GLT1D1: variants seen among roughly 807,000 people sequenced by gnomAD.
The protein encoded by GLT1D1 is glycosyltransferase 1 domain containing 1, also known as glycosyltransferase 1 domain-containing protein 1.
Under a neutral mutation model 28.7 loss-of-function variants are expected in GLT1D1, and 21 were observed. That is an observed-to-expected ratio of 0.73 (90% CI 0.52 to 1.05). The LOEUF is 1.05. Among genes scored for constraint, GLT1D1 ranks in the 50% least tolerant of loss-of-function variants. The probability of loss-of-function intolerance (pLI) is 0.00; values close to 1 mark genes in which losing one functional copy is unlikely to be tolerated. For synonymous variants in GLT1D1, 147 were observed against 124.8 expected (o/e 1.18, Z -1.19); for missense variants, 343 against 330.6 (o/e 1.04, Z -0.29).
chr12:128,959,420 ACGGGT>A (rs1877680425), intron 7 of GLT1D1, among the ~76,000 whole-genome samples: 1 of 46,842 alleles, frequency 2.1e-5, no homozygotes. Flanking sequence ...GTGGGGGGGG[ACGGGT>A]GGGGAGGTGG....
Position 128,882,556 on chromosome 12 carries a change from G to A in GLT1D1, c.218-6083G>A, listed in dbSNP as rs532780994. Among the ~76,000 whole-genome samples the A allele has an allele frequency of 1.4e-4, 22 of 152,228 alleles. No individual in the cohort carries two copies. In the South Asian group the frequency reaches 4.6e-3, roughly 32 times the overall value. The stretch of plus-strand genomic sequence containing the variant: ...GGCCTCCCAAAATGCTGGGATTACA[G>A]GTGTGAGCCACCACACCCAGCCTGC... On this transcript the variant is annotated intron_variant, in intron 2 of 7. Transcript: ENST00000281703.
chr12:128,918,938 T>C (rs1426780941), intron 4 of GLT1D1, among the ~76,000 whole-genome samples: 8 of 152,228 alleles, frequency 5.3e-5, no homozygotes, highest in Non-Finnish European at 1.2e-4. Flanking sequence ...GGAGACCTAC[T>C]TGGCTGCTGC....
In GLT1D1 at chr12:128,973,178, G is replaced by GTTTT. The variant is rs1565924861; in HGVS notation, c.640-9751_640-9750insTTTT. 3.6e-5 allele frequency among the ~76,000 whole-genome samples: 3 copies of GTTTT among 83,732 alleles called. No individual in the cohort carries two copies. In the East Asian group the frequency reaches 9.6e-4, roughly 27 times the overall value. The allele number at this position is 83,732 out of a possible 152,430, so 54.9% of individuals were successfully genotyped here. A position where few individuals can be genotyped will look rare whatever the true frequency, so the allele number is the denominator to read the frequency against. ...TCTTTTCTGTTTTGTTTGTTTGCTT[G>GTTTT]GTTTTTTTTTTTTTTTTTTTTTTTT... On this transcript the variant is annotated intron_variant, in intron 7 of 7. Coordinates refer to ENST00000281703, the MANE Select transcript of GLT1D1 (RefSeq NM_144669.3).
chr12:128,950,900 G>A (rs756688573), intron 6 of GLT1D1, among the ~76,000 whole-genome samples: 4 of 152,188 alleles, frequency 2.6e-5, no homozygotes, highest in Non-Finnish European at 5.9e-5. Flanking sequence ...GGAGTGGGGA[G>A]ATGTTGGTTG....
At chr12:128,908,184 C>T (rs1012487303) in intron 4 of GLT1D1, among the ~76,000 whole-genome samples, 25 of 152,258 alleles carry the variant, frequency 1.6e-4, no homozygotes, top group African/African-American at 6.0e-4. Flanking sequence ...GCTGGGATTA[C>T]AGGTGTGAGT....
At chr12:128,950,281 C>T (rs667171) in intron 6 of GLT1D1, among the ~76,000 whole-genome samples, 60,098 of 151,992 alleles carry the variant, frequency 0.4, 12,000 homozygotes, top group Middle Eastern at 0.5. Context: ...GTGATAGACA[C>T]TTATTCCATG....
intron 7 of GLT1D1, among the ~76,000 whole-genome samples, chr12:128,966,595 T>G (rs1425969526): frequency 1.3e-5 from 2 of 151,932 alleles, no homozygotes; most frequent in African/African-American, 2.4e-5. Flanking sequence ...ATCTGGGGGG[T>G]TTTGTGCTCT....
At chr12:128,875,476 A>T (rs1299751899) in intron 1 of GLT1D1, among the ~76,000 whole-genome samples, 3 of 152,194 alleles carry the variant, frequency 2.0e-5, no homozygotes, top group Non-Finnish European at 2.9e-5. Flanking sequence ...TCAGTAAATA[A>T]GTCATCTTGT....
intron 4 of GLT1D1, 107 bp downstream of exon 8, chr12:128,927,261 C>A: frequency 1.1e-6 from 1 of 893,744 alleles, no homozygotes; most frequent in Non-Finnish European, 1.7e-6. Context: ...TTTTTTGAGA[C>A]GGAGTCTTGC....
At chr12:128,941,905 CTTTTT>C (rs60663875) in intron 4 of GLT1D1, among the ~76,000 whole-genome samples, 850 of 75,356 alleles carry the variant, frequency 0.011, 12 homozygotes, top group African/African-American at 0.045. Context: ...CTCTCTCTCT[CTTTTT>C]TTTTTTTTTT....
chr12:128,932,634 C>G (rs1288902082), intron 4 of GLT1D1, among the ~76,000 whole-genome samples: 1 of 152,194 alleles, frequency 6.6e-6, no homozygotes, highest in African/African-American at 2.4e-5. Context: ...AGGTCATGAG[C>G]GCCAGGTCTG....
intron 6 of GLT1D1, 95 bp downstream of exon 10, chr12:128,947,553 C>A: frequency 7.0e-7 from 1 of 1,419,938 alleles, no homozygotes; most frequent in South Asian, 1.2e-5. Flanking sequence ...CAATAACATT[C>A]TGCACTTCTC....
Position 128,853,700 on chromosome 12 carries a change from CG to C in GLT1D1, c.68+55del, listed in dbSNP as rs1956130218. On this transcript the variant is annotated intron_variant, in intron 1 of 7. Transcript: ENST00000281703. ...GAAGCCTGGGCCGGGGGCCGGGGGG[CG>C]GGGACGCGGGACCCGGGGACGCGGG... The C allele has an allele frequency of 5.9e-6, 6 of 1,024,506 alleles. No individual in the cohort carries two copies. The African/African-American group carries it at 6.9e-5, about 12-fold the overall frequency. The allele number at this position is 1,024,506 out of a possible 1,614,324, so 63.5% of individuals were successfully genotyped here.
At chr12:128,897,644 C>G (rs1312827340) in intron 3 of GLT1D1, among the ~76,000 whole-genome samples, 1 of 152,156 alleles carries the variant, frequency 6.6e-6, no homozygotes, top group Admixed American at 6.6e-5. Flanking sequence ...TTAACCACTT[C>G]TCTAACCTTA....
intron 6 of GLT1D1, among the ~76,000 whole-genome samples, chr12:128,953,465 C>A (rs1249046100): frequency 2.0e-5 from 3 of 152,208 alleles, no homozygotes; most frequent in South Asian, 4.1e-4. Context: ...GCATGAGCCA[C>A]TGCACCTCGT....
chr12:128,962,297 C>T (rs962151771), intron 7 of GLT1D1, among the ~76,000 whole-genome samples: 1 of 152,250 alleles, frequency 6.6e-6, no homozygotes, highest in African/African-American at 2.4e-5. Context: ...ACCTGCAGGG[C>T]TAGCTCTGGG....
At position 128,964,465 on chromosome 12, in the gene GLT1D1, G is replaced by A. The variant is rs748427044; in HGVS notation, c.639+6822G>A. ...CTCACCTCCTGCCGTCCCCTTGGGG[G>A]TGAGCAGCTCAGTGTATGAATTTGA... On this transcript the variant is annotated intron_variant, in intron 7 of 7. Coordinates refer to ENST00000281703, the MANE Select transcript of GLT1D1 (RefSeq NM_144669.3). 3.3e-5 allele frequency among the ~76,000 whole-genome samples: 5 copies of A among 152,324 alleles called. No individual in the cohort carries two copies. The East Asian group carries it at 9.7e-4, about 29-fold the overall frequency.
intron 5 of GLT1D1, 135 bp from the exon 10 acceptor site, chr12:128,947,203 C>A: frequency 1.0e-6 from 1 of 966,552 alleles, no homozygotes; most frequent in Non-Finnish European, 1.6e-6. Context: ...TATAGTTCTC[C>A]TGGCTGAACG....
At chr12:128,925,963 G>A (rs1162198675) in intron 4 of GLT1D1, among the ~76,000 whole-genome samples, 2 of 152,062 alleles carry the variant, frequency 1.3e-5, no homozygotes. Context: ...GCCCAAGGCG[G>A]GCAGATCACC....
Sources: allele counts gnomAD v4.1 joint callset (sites outside exome capture counted in the v4.1 genomes callset), GRCh38; gene constraint gnomAD v4.1.1; transcripts MANE v1.5; gene names NCBI Gene and HGNC (gene_info 2026-07-23, HGNC 2026-07-21).